NSMAF: variants seen among roughly 807,000 people sequenced by gnomAD.
NSMAF encodes the protein protein FAN.
In NSMAF, 90 loss-of-function variants were observed where a neutral mutation model predicts 134.9. The ratio of observed to expected loss-of-function variants is 0.67; its 90% CI spans 0.56 to 0.79. NSMAF has a LOEUF of 0.79. Among genes scored for constraint, NSMAF ranks in the 30% least tolerant of loss-of-function variants. The pLI is 0.00. For synonymous variants in NSMAF, 358 were observed against 389.6 expected, an observed-to-expected ratio of 0.92 and a Z score of 0.96; for missense variants, 1,010 against 1,119.0, an observed-to-expected ratio of 0.90 and a Z score of 1.39.
intron 23 of NSMAF, among the ~76,000 whole-genome samples, chr8:58,591,970 A>G (rs762295188): frequency 1.9e-4 from 29 of 152,176 alleles, no homozygotes; most frequent in Non-Finnish European, 3.4e-4. Context: ...TTGCAACCCC[A>G]ACACACAGAA....
chr8:58,586,783 T>A (rs1375117881), intron 27 of NSMAF, among the ~76,000 whole-genome samples, 175 bp from the exon 28 acceptor site: 2 of 152,226 alleles, frequency 1.3e-5, no homozygotes, highest in African/African-American at 4.8e-5. Context: ...TAACTTATTT[T>A]AAAAATGAAA....
intron 12 of NSMAF, 46 bp downstream of exon 12, chr8:58,605,881 A>AG (rs781320302): frequency 1.4e-5 from 2 of 139,732 alleles, no homozygotes; most frequent in South Asian, 2.1e-4. Context: ...CTCAGCCTCC[A>AG]AAAAAAAAAA....
chr8:58,620,468 A>ATCCAT (rs1806761826), intron 9 of NSMAF, among the ~76,000 whole-genome samples: 1 of 152,222 alleles, frequency 6.6e-6, no homozygotes, highest in Admixed American at 6.5e-5. Flanking sequence ...TAAGGTGTTT[A>ATCCAT]GGCTTTATCC....
intron 2 of NSMAF, among the ~76,000 whole-genome samples, chr8:58,636,953 T>C (rs1040238181): frequency 6.6e-6 from 1 of 152,138 alleles, no homozygotes; most frequent in African/African-American, 2.4e-5. Context: ...TTACCTTTAT[T>C]TATCAAGTGT....
At chr8:58,640,949 T>C (rs1807320995) in intron 2 of NSMAF, among the ~76,000 whole-genome samples, 1 of 152,116 alleles carries the variant, frequency 6.6e-6, no homozygotes, top group Non-Finnish European at 1.5e-5. Flanking sequence ...TGAGACAGAG[T>C]CTTGCTTTGT....
intron 13 of NSMAF, among the ~76,000 whole-genome samples, chr8:58,602,405 G>A (rs1203864652): frequency 1.3e-5 from 2 of 151,896 alleles, no homozygotes; most frequent in African/African-American, 4.8e-5. Context: ...TCTGATTAAG[G>A]AACATATATA....
At chr8:58,586,663 T>C (rs949027566) in intron 27 of NSMAF, 55 bp from the exon 28 acceptor site, 2 of 1,438,894 alleles carry the variant, frequency 1.4e-6, no homozygotes, top group African/African-American at 1.4e-5. Flanking sequence ...TCATTAGCTA[T>C]GTTTCTCTAG....
chr8:58,605,212 C>G (rs2129141707), intron 12 of NSMAF, among the ~76,000 whole-genome samples: 1 of 152,286 alleles, frequency 6.6e-6, no homozygotes, highest in South Asian at 2.1e-4. Context: ...CCATGGAAAA[C>G]TGAGGAAATA....
At chr8:58,650,606 A>G (rs1807562016) in intron 1 of NSMAF, among the ~76,000 whole-genome samples, 1 of 152,160 alleles carries the variant, frequency 6.6e-6, no homozygotes, top group Non-Finnish European at 1.5e-5. Flanking sequence ...AACAGCACCT[A>G]TCTTTTTTGT....
chr8:58,595,481 A>C, intron 22 of NSMAF, 79 bp downstream of exon 22: 1 of 981,644 alleles, frequency 1.0e-6, no homozygotes, highest in Non-Finnish European at 1.6e-6. Context: ...GACTCAGCTT[A>C]AAACAGTTTA....
chr8:58,608,741 GC>G (rs1320135173), intron 10 of NSMAF, among the ~76,000 whole-genome samples: 1 of 152,168 alleles, frequency 6.6e-6, no homozygotes, highest in Non-Finnish European at 1.5e-5. Context: ...AGGAAAGTGA[GC>G]CCCACCACCT....
chr8:58,648,602 G>A (rs992787639), intron 1 of NSMAF, among the ~76,000 whole-genome samples: 1 of 152,190 alleles, frequency 6.6e-6, no homozygotes, highest in Non-Finnish European at 1.5e-5. Context: ...GGCTTAGGGG[G>A]CCAAGCCCAG....
chr8:58,623,155 G>T, intron 9 of NSMAF, 65 bp downstream of exon 9: 3 of 1,235,154 alleles, frequency 2.4e-6, no homozygotes, highest in South Asian at 1.2e-5. Context: ...TGGATTTGCT[G>T]AATGAGGCAT....
At chr8:58,641,458 G>A (rs184255783) in intron 2 of NSMAF, among the ~76,000 whole-genome samples, 217 of 151,628 alleles carry the variant, frequency 1.4e-3, no homozygotes, top group Non-Finnish European at 2.5e-3. Context: ...TTATGCCTCC[G>A]ATTTTTAAAA....
At chr8:58,623,001 C>A (rs572123335) in intron 9 of NSMAF, among the ~76,000 whole-genome samples, 8 of 152,214 alleles carry the variant, frequency 5.3e-5, no homozygotes, top group Admixed American at 3.9e-4. Flanking sequence ...GAAGCAGAAA[C>A]CGAAGCATCT....
chr8:58,659,250 G>T, intron 1 of NSMAF: 2 of 1,504,962 alleles, frequency 1.3e-6, no homozygotes, highest in East Asian at 2.7e-5. Context: ...GACCCCGCGC[G>T]GCCTTCCGGG....
chr8:58,638,307 G>A lies in NSMAF; in HGVS notation c.150-2761C>T, dbSNP rs185064384. ...TGATCCTCCCTCCTCAGCCTCCTGA[G>A]TAGCTGGCATTACAGGTGCAAGCCA... is the stretch of plus-strand genomic sequence containing the variant. On this transcript the variant is annotated intron_variant, in intron 2 of 30. Transcript: ENST00000038176. Among the ~76,000 whole-genome samples the A allele has an allele frequency of 2.8e-4, 42 of 152,270 alleles. 1 individual carries two copies. The highest frequency in any genetic ancestry group is 2.2e-3 in the Admixed American group (34 of 15,288).
intron 1 of NSMAF, among the ~76,000 whole-genome samples, chr8:58,644,661 C>A (rs1807403164): frequency 6.6e-6 from 1 of 152,166 alleles, no homozygotes; most frequent in African/African-American, 2.4e-5. Context: ...AAGAAACAGG[C>A]ACACATATGT....
chr8:58,632,000 T>TG (rs1490915210), intron 5 of NSMAF, among the ~76,000 whole-genome samples: 2 of 152,148 alleles, frequency 1.3e-5, no homozygotes, highest in African/African-American at 4.8e-5. Context: ...TTACATAGTA[T>TG]ATTAATAACT....
Sources: gnomAD v4.1 joint callset for allele counts (sites outside exome capture counted in the v4.1 genomes callset) on GRCh38, gnomAD v4.1.1 for gene constraint, MANE v1.5 for transcripts, NCBI Gene and HGNC (gene_info 2026-07-23, HGNC 2026-07-21) for gene names.